Variants in SLC41A2 observed in about 807,000 individuals in gnomAD.
SLC41A2 encodes solute carrier family 41 member 2.
SLC41A2 carries 32 observed loss-of-function variants against 58.3 expected under a neutral mutation model. That is an observed-to-expected ratio of 0.55 (90% confidence interval 0.41 to 0.74). SLC41A2 has a LOEUF of 0.74. Ranked by LOEUF, SLC41A2 falls within the 30% of genes least tolerant of loss-of-function variation. SLC41A2 has a pLI of 0.00. For missense variants in SLC41A2, 514 were observed against 680.6 expected (o/e 0.76, Z 2.72); for synonymous variants, 190 against 235.0 (o/e 0.81, Z 1.75).
chr12:104,915,319 T>G (rs1274320188), intron 2 of SLC41A2, among the ~76,000 whole-genome samples: 6 of 152,218 alleles, frequency 3.9e-5, no homozygotes, highest in Non-Finnish European at 8.8e-5. Context: ...GAAAAAATTT[T>G]TATTGTCATT....
At chr12:104,918,111 T>C (rs1016853266) in intron 2 of SLC41A2, among the ~76,000 whole-genome samples, 1 of 151,730 alleles carries the variant, frequency 6.6e-6, no homozygotes, top group Non-Finnish European at 1.5e-5. Flanking sequence ...AAGTTTTCAC[T>C]GATGAGATTG....
intron 10 of SLC41A2, among the ~76,000 whole-genome samples, chr12:104,813,468 T>C (rs2041261273): frequency 6.6e-6 from 1 of 152,076 alleles, no homozygotes; most frequent in Non-Finnish European, 1.5e-5. Context: ...AGATAATTTC[T>C]CAAGTTAATA....
At chr12:104,901,646 C>G (rs1234331211) in intron 3 of SLC41A2, among the ~76,000 whole-genome samples, 1 of 152,036 alleles carries the variant, frequency 6.6e-6, no homozygotes, top group Non-Finnish European at 1.5e-5. Flanking sequence ...TCCTCCCAGG[C>G]TCAAGCAATC....
At chr12:104,894,693 C>T (rs1230447239) in intron 4 of SLC41A2, among the ~76,000 whole-genome samples, 1 of 151,998 alleles carries the variant, frequency 6.6e-6, no homozygotes, top group Non-Finnish European at 1.5e-5. Flanking sequence ...TAGGGGTAGT[C>T]GCAGTCTTCA....
intron 3 of SLC41A2, among the ~76,000 whole-genome samples, chr12:104,901,617 T>C (rs1487069622): frequency 6.6e-6 from 1 of 152,038 alleles, no homozygotes; most frequent in South Asian, 2.1e-4. Context: ...TGGCCCCATC[T>C]CAGTTCACTG....
chr12:104,853,911 A>ATTTTTTTTTTTTTTTTTTTTTT, intron 8 of SLC41A2, among the ~76,000 whole-genome samples: 1 of 59,498 alleles, frequency 1.7e-5, no homozygotes, highest in African/African-American at 6.9e-5. Context: ...TGCCTGGCTG[A>ATTTTTTTTTTTTTTTTTTTTTT]TTTTTTTTTT....
At position 104,886,426 on chromosome 12, in the gene SLC41A2, A is replaced by C. The variant is rs984962962; in HGVS notation, c.894T>G (p.Val298=). The part of the protein sequence containing the change: ...IASLLQGIIM[V]GVIVGSKKTG... Reference sequence around the variant, plus strand: ...TCTTCTTTGAACCAACGATAACCCCAACCATTATTATTCCTAGAAGAAAGA... The same window carrying C: ...TCTTCTTTGAACCAACGATAACCCCCACCATTATTATTCCTAGAAGAAAGA... Residue 298 remains valine (V), a synonymous_variant, in exon 6 of 11, where the codon GTT becomes GTG. Transcript: ENST00000258538. The C allele has an allele frequency of 6.2e-6, 10 of 1,612,806 alleles. No homozygotes were observed. Among genetic ancestry groups the C allele is most frequent in the South Asian group, 1.1e-5 (1 of 90,932 alleles).
intron 1 of SLC41A2, chr12:104,931,661 G>A (rs1307450309): frequency 2.0e-5 from 3 of 152,160 alleles, no homozygotes; most frequent in Non-Finnish European, 4.4e-5. Flanking sequence ...AGGCCTTTGG[G>A]GGAAGACTTT....
chr12:104,939,431 C>T (rs2047412793), intron 1 of SLC41A2, among the ~76,000 whole-genome samples: 1 of 152,180 alleles, frequency 6.6e-6, no homozygotes, highest in South Asian at 2.1e-4. Flanking sequence ...CTCCTGGCCT[C>T]AAGTGATCAC....
chr12:104,930,896 G>A (rs1201349181), intron 1 of SLC41A2, among the ~76,000 whole-genome samples: 1 of 152,204 alleles, frequency 6.6e-6, no homozygotes, highest in African/African-American at 2.4e-5. Context: ...AACTGGCCAG[G>A]GGGATCCAGA....
intron 8 of SLC41A2, among the ~76,000 whole-genome samples, chr12:104,856,725 C>T (rs1187065124): frequency 6.6e-6 from 1 of 152,128 alleles, no homozygotes; most frequent in East Asian, 1.9e-4. Context: ...AGAATCAGCT[C>T]TTCTGAGATA....
intron 3 of SLC41A2, among the ~76,000 whole-genome samples, chr12:104,899,742 C>G (rs2045470013): frequency 6.6e-6 from 1 of 152,140 alleles, no homozygotes; most frequent in Non-Finnish European, 1.5e-5. Flanking sequence ...ATCTGATAAT[C>G]CAAGCCACTA....
At chr12:104,811,693 C>T (rs189129285) in intron 10 of SLC41A2, among the ~76,000 whole-genome samples, 27 of 152,262 alleles carry the variant, frequency 1.8e-4, no homozygotes, top group Admixed American at 1.2e-3. Flanking sequence ...GTTTATATTT[C>T]ATAATTTTAA....
chr12:104,880,863 T>C (rs1047160426), intron 6 of SLC41A2, among the ~76,000 whole-genome samples: 2 of 152,194 alleles, frequency 1.3e-5, no homozygotes, highest in Admixed American at 6.5e-5. Context: ...CTCTTTTCTA[T>C]TGATTGGAAT....
chr12:104,921,987 T>A (rs1000157860), intron 2 of SLC41A2, among the ~76,000 whole-genome samples: 2 of 152,152 alleles, frequency 1.3e-5, no homozygotes, highest in African/African-American at 4.8e-5. Flanking sequence ...GATTTTTTTT[T>A]AAGCCTTATG....
chr12:104,890,532 T>C (rs2044901294), intron 4 of SLC41A2, among the ~76,000 whole-genome samples: 3 of 152,212 alleles, frequency 2.0e-5, no homozygotes, highest in Admixed American at 6.5e-5. Flanking sequence ...TATATGTATA[T>C]ATAAATCTGT....
chr12:104,880,298 AC>A (rs771974217), intron 6 of SLC41A2, among the ~76,000 whole-genome samples: 22 of 152,178 alleles, frequency 1.4e-4, no homozygotes, highest in Admixed American at 1.0e-3. Flanking sequence ...CTATTGGAAT[AC>A]CCTTTATTTC....
intron 10 of SLC41A2, among the ~76,000 whole-genome samples, chr12:104,806,956 T>C (rs1463013779): frequency 6.6e-6 from 1 of 152,280 alleles, no homozygotes; most frequent in African/African-American, 2.4e-5. Flanking sequence ...TTGTAAATTC[T>C]GGTTATTAGC....
chr12:104,849,406 T>C (rs74898538), intron 8 of SLC41A2, among the ~76,000 whole-genome samples: 2,797 of 152,334 alleles, frequency 0.018, 103 homozygotes, highest in African/African-American at 0.063. Context: ...ACTCATCAGA[T>C]TGGCAAACCT....
Sources: gnomAD v4.1 joint callset for allele counts (sites outside exome capture counted in the v4.1 genomes callset) on GRCh38, gnomAD v4.1.1 for gene constraint, MANE v1.5 for transcripts, NCBI Gene and HGNC (gene_info 2026-07-23, HGNC 2026-07-21) for gene names.